DKK2: variants seen among roughly 807,000 people sequenced by gnomAD.
DKK2 encodes the protein dickkopf-related protein 2.
DKK2 carries 11 observed loss-of-function variants against 28.1 expected under a neutral mutation model. That is an observed-to-expected ratio of 0.39 (90% CI 0.25 to 0.65). DKK2 has a LOEUF of 0.65. Ranked by LOEUF, DKK2 falls within the 30% of genes least tolerant of loss-of-function variation. DKK2 has a pLI of 0.47. For synonymous variants in DKK2, 135 were observed against 126.5 expected (o/e 1.07, Z -0.45); for missense variants, 326 against 335.5 (o/e 0.97, Z 0.22).
At chr4:106,953,700 T>A (rs1041413398) in intron 1 of DKK2, among the ~76,000 whole-genome samples, 4 of 152,326 alleles carry the variant, frequency 2.6e-5, no homozygotes, top group East Asian at 3.9e-4. Flanking sequence ...CAGGATGTTC[T>A]CCTTCAGAAG....
chr4:106,975,545 C>A (rs934972648), intron 1 of DKK2, among the ~76,000 whole-genome samples: 2 of 152,098 alleles, frequency 1.3e-5, no homozygotes, highest in African/African-American at 2.4e-5. Flanking sequence ...TTAAAGTATT[C>A]TCTGATGGTA....
chr4:106,947,790 T>C (rs1038345372), intron 1 of DKK2, among the ~76,000 whole-genome samples: 4 of 151,214 alleles, frequency 2.6e-5, no homozygotes, highest in African/African-American at 9.7e-5. Flanking sequence ...TCCTCCCCTC[T>C]CAGTCTCACA....
At chr4:106,977,706 T>A (rs1459011439) in intron 1 of DKK2, among the ~76,000 whole-genome samples, 1 of 152,150 alleles carries the variant, frequency 6.6e-6, no homozygotes, top group Admixed American at 6.5e-5. Context: ...CAGAGGAGTT[T>A]GTTATTACCC....
At position 106,924,577 on chromosome 4, in the gene DKK2, C is replaced by T. The variant is rs770400633; in HGVS notation, c.497G>A (p.Gly166Glu). Residue 166 changes from glycine to glutamate, a missense_variant, in exon 3 of 4, where the codon GGA becomes GAA. Gly to Glu is a moderately conservative substitution (Grantham distance 98). Coordinates refer to ENST00000285311, the MANE Select transcript of DKK2 (RefSeq NM_014421.3). ...SNHDLGWQNL[G>E]RPHTKMSHIK... Reference sequence around the variant, plus strand: ...ATGTGACATCTTAGTGTGTGGTCTTCCTAGATTCTGCCATCCCAAGTCATG... The same window carrying T: ...ATGTGACATCTTAGTGTGTGGTCTTTCTAGATTCTGCCATCCCAAGTCATG... The T allele has an allele frequency of 6.2e-7, 1 of 1,613,842 alleles. No individual in the cohort carries two copies. Among genetic ancestry groups the T allele is most frequent in the South Asian group, 1.1e-5 (1 of 91,070 alleles).
chr4:106,937,684 ACAC>A (rs1724617848), intron 1 of DKK2, among the ~76,000 whole-genome samples: 1 of 146,640 alleles, frequency 6.8e-6, no homozygotes, highest in Non-Finnish European at 1.5e-5. Flanking sequence ...GCACCACACC[ACAC>A]CTATTCCAAA....
intron 1 of DKK2, among the ~76,000 whole-genome samples, chr4:107,006,171 A>T (rs116173705): frequency 0.014 from 2,060 of 152,328 alleles, 55 homozygotes; most frequent in African/African-American, 0.047. Flanking sequence ...AAATGTTGGA[A>T]ACAAAAATTA....
intron 1 of DKK2, among the ~76,000 whole-genome samples, chr4:106,995,183 G>A (rs540204937): frequency 2.0e-5 from 3 of 151,900 alleles, no homozygotes; most frequent in African/African-American, 7.3e-5. Flanking sequence ...CAACTTCTTT[G>A]AGAATTAATG....
At chr4:106,924,805 G>C (rs954468841) in intron 2 of DKK2, 105 bp from the exon 3 acceptor site, 77 of 1,115,374 alleles carry the variant, frequency 6.9e-5, no homozygotes, top group Non-Finnish European at 9.1e-5. Flanking sequence ...ATCTATCTGT[G>C]TATCTATCTA....
chr4:106,970,821 G>A (rs1722858897), intron 1 of DKK2, among the ~76,000 whole-genome samples: 2 of 152,056 alleles, frequency 1.3e-5, no homozygotes, highest in African/African-American at 4.8e-5. Context: ...GGGAAAACTG[G>A]TGGTCAGTTT....
intron 1 of DKK2, among the ~76,000 whole-genome samples, chr4:106,948,516 G>A (rs1724812190): frequency 6.6e-6 from 1 of 152,136 alleles, no homozygotes; most frequent in East Asian, 1.9e-4. Context: ...CAGTTATTTG[G>A]TTAACTCACC....
At chr4:106,983,375 G>GAAAGAAAGA (rs1560585861) in intron 1 of DKK2, among the ~76,000 whole-genome samples, 3 of 115,096 alleles carry the variant, frequency 2.6e-5, no homozygotes, top group Admixed American at 1.8e-4. Flanking sequence ...AAAGAAGAAA[G>GAAAGAAAGA]AAAAGAAAGA....
chr4:107,001,026 A>G (rs1723352014), intron 1 of DKK2, among the ~76,000 whole-genome samples: 1 of 151,900 alleles, frequency 6.6e-6, no homozygotes, highest in African/African-American at 2.4e-5. Context: ...TCTCACCATA[A>G]CATGTGGATA....
chr4:106,940,757 C>G (rs1276060259), intron 1 of DKK2, among the ~76,000 whole-genome samples: 2 of 152,070 alleles, frequency 1.3e-5, no homozygotes, highest in Non-Finnish European at 1.5e-5. Flanking sequence ...GGCACATATA[C>G]ACCACGGAAT....
At chr4:106,943,413 G>A (rs962087939) in intron 1 of DKK2, among the ~76,000 whole-genome samples, 3 of 152,024 alleles carry the variant, frequency 2.0e-5, no homozygotes, top group African/African-American at 7.2e-5. Context: ...GAAGTTTGTA[G>A]CATTAAATTG....
chr4:106,947,704 A>G (rs974247429), intron 1 of DKK2, among the ~76,000 whole-genome samples: 6 of 144,362 alleles, frequency 4.2e-5, no homozygotes, highest in African/African-American at 1.5e-4. Flanking sequence ...AGATGGATTC[A>G]TGCTCTGTCA....
At position 107,024,296 on chromosome 4, in the gene DKK2, G is replaced by T. The variant is rs189818715; in HGVS notation, c.222+11074C>A. On this transcript the variant is annotated intron_variant, in intron 1 of 3. Coordinates refer to ENST00000285311, the MANE Select transcript of DKK2 (RefSeq NM_014421.3). ...TGACAGAAAAAAATAAAGACATAGG[G>T]CTCTTCTTGAATAGACAGGATATTC... 6.6e-5 allele frequency among the ~76,000 whole-genome samples: 10 copies of T among 152,190 alleles called. No individual in the cohort carries two copies. The East Asian group carries it at 1.7e-3, about 26-fold the overall frequency.
chr4:106,998,237 G>T (rs911332178), intron 1 of DKK2, among the ~76,000 whole-genome samples: 1 of 152,128 alleles, frequency 6.6e-6, no homozygotes, highest in African/African-American at 2.4e-5. Flanking sequence ...TTTTGAATGT[G>T]TTGGGTTTTT....
At chr4:106,959,822 CAATT>C (rs1483648958) in intron 1 of DKK2, among the ~76,000 whole-genome samples, 5 of 151,998 alleles carry the variant, frequency 3.3e-5, no homozygotes, top group African/African-American at 9.7e-5. Flanking sequence ...TATAAATACT[CAATT>C]AAGCTTATAC....
intron 1 of DKK2, among the ~76,000 whole-genome samples, chr4:106,974,784 T>C (rs1186841992): frequency 1.3e-5 from 2 of 152,222 alleles, no homozygotes; most frequent in Non-Finnish European, 2.9e-5. Context: ...CTATGTTGAC[T>C]AGGAGTGGTG....
Sources: allele counts gnomAD v4.1 joint callset (sites outside exome capture counted in the v4.1 genomes callset), GRCh38; gene constraint gnomAD v4.1.1; transcripts MANE v1.5; gene names NCBI Gene and HGNC (gene_info 2026-07-23, HGNC 2026-07-21).